ROBO2: variants seen among roughly 807,000 people sequenced by gnomAD.
The protein encoded by ROBO2 is roundabout homolog 2.
Under a neutral mutation model 160.8 loss-of-function variants are expected in ROBO2, and 53 were observed. The ratio of observed to expected loss-of-function variants is 0.33; its 90% CI spans 0.26 to 0.41. The LOEUF is 0.41. Among genes scored for constraint, ROBO2 ranks in the 10% least tolerant of loss-of-function variants. The probability of loss-of-function intolerance (pLI) is 1.00; values close to 1 mark genes in which losing one functional copy is unlikely to be tolerated. For missense variants in ROBO2, 1,577 were observed against 1,722.4 expected (o/e 0.92, Z 1.49); for synonymous variants, 664 against 611.7 (o/e 1.09, Z -1.26).
chr3:76,329,155 C>A (rs757106130), intron 2 of ROBO2, among the ~76,000 whole-genome samples: 3 of 151,986 alleles, frequency 2.0e-5, no homozygotes, highest in Admixed American at 1.3e-4. Flanking sequence ...AAGTCCCCCA[C>A]GGAGAGACAC....
At chr3:77,182,227 T>C (rs557961173) in intron 2 of ROBO2, among the ~76,000 whole-genome samples, 367 of 152,258 alleles carry the variant, frequency 2.4e-3, no homozygotes, top group Non-Finnish European at 4.3e-3. Flanking sequence ...GCAATTCATA[T>C]GAATTTATAT....
At chr3:76,850,581 T>A (rs1338528027) in intron 2 of ROBO2, among the ~76,000 whole-genome samples, 1 of 152,152 alleles carries the variant, frequency 6.6e-6, no homozygotes, top group Non-Finnish European at 1.5e-5. Flanking sequence ...TAAGTTCTAG[T>A]GCCCACAGTA....
intron 2 of ROBO2, among the ~76,000 whole-genome samples, chr3:76,231,605 G>A (rs895972422): frequency 6.6e-6 from 1 of 152,042 alleles, no homozygotes; most frequent in African/African-American, 2.4e-5. Flanking sequence ...TTTTCTCTAC[G>A]TCCTTCAACT....
At chr3:77,040,986 T>G in intron 1 of ROBO2, 140 bp downstream of exon 1, 1 of 1,058,890 alleles carries the variant, frequency 9.4e-7, no homozygotes, top group South Asian at 1.4e-5. Flanking sequence ...ACGGGCTCCT[T>G]GGGGGCAGAG....
At chr3:76,989,532 G>A (rs764775803) in intron 2 of ROBO2, among the ~76,000 whole-genome samples, 23 of 151,840 alleles carry the variant, frequency 1.5e-4, no homozygotes, top group Non-Finnish European at 2.8e-4. Context: ...CAACATTTGA[G>A]ATGAAATATT....
In ROBO2 at chr3:76,233,140, A is replaced by AT. The variant is rs201000625; in HGVS notation, c.109+295547dup. Among the ~76,000 whole-genome samples the AT allele has an allele frequency of 6.2e-4, 93 of 149,514 alleles. No individual in the cohort carries two copies. In the East Asian group the frequency reaches 7.1e-3, roughly 11 times the overall value. The stretch of plus-strand genomic sequence containing the variant: ...AAAGTTTACTGCCAGGTGTTATTCT[A>AT]TTTTTTTTTAATTTTATTTTTCAGG... On this transcript the variant is annotated intron_variant, in intron 2 of 26. Transcript: ENST00000487694.
At chr3:77,404,760 G>A (rs369298265) in intron 2 of ROBO2, among the ~76,000 whole-genome samples, 1 of 152,086 alleles carries the variant, frequency 6.6e-6, no homozygotes, top group South Asian at 2.1e-4. Flanking sequence ...AATTACGTTT[G>A]TTATAAGCTT....
intron 2 of ROBO2, among the ~76,000 whole-genome samples, chr3:77,324,941 T>G (rs907339730): frequency 1.3e-5 from 2 of 152,284 alleles, no homozygotes; most frequent in Admixed American, 6.5e-5. Context: ...TTAGAAGTGA[T>G]ATTCTCTCCA....
intron 2 of ROBO2, among the ~76,000 whole-genome samples, chr3:75,974,021 G>C (rs1351860698): frequency 3.4e-5 from 5 of 145,676 alleles, no homozygotes; most frequent in Non-Finnish European, 7.6e-5. Flanking sequence ...TAGAAGGAAG[G>C]GGTAATTATT....
At chr3:77,122,851 C>T (rs920660507) in intron 2 of ROBO2, among the ~76,000 whole-genome samples, 13 of 152,314 alleles carry the variant, frequency 8.5e-5, no homozygotes, top group Non-Finnish European at 1.6e-4. Context: ...AGTGAATACA[C>T]TGCCTCTTTT....
Position 76,497,049 on chromosome 3 carries a change from G to A in ROBO2, c.109+559447G>A, listed in dbSNP as rs1456503282. Among the ~76,000 whole-genome samples the A allele has an allele frequency of 3.9e-5, 6 of 152,130 alleles. No homozygotes were observed. In the South Asian group the frequency reaches 1.0e-3, roughly 26 times the overall value. On this transcript the variant is annotated intron_variant, in intron 2 of 26. Transcript: ENST00000487694. Reference sequence around the variant, plus strand: ...TTTAAAAGGCCACATCACCTTTTGTGGCTTCTGTCTCCTTGGCCCACTGCA... The same window carrying A: ...TTTAAAAGGCCACATCACCTTTTGTAGCTTCTGTCTCCTTGGCCCACTGCA...
intron 2 of ROBO2, among the ~76,000 whole-genome samples, chr3:77,365,500 G>A (rs910796806): frequency 1.3e-5 from 2 of 152,034 alleles, no homozygotes; most frequent in African/African-American, 4.8e-5. Context: ...TAGATTATTG[G>A]TCCCTTCAGA....
chr3:76,761,431 T>C (rs991058523), intron 2 of ROBO2, among the ~76,000 whole-genome samples: 1 of 151,728 alleles, frequency 6.6e-6, no homozygotes, highest in Non-Finnish European at 1.5e-5. Flanking sequence ...TGTTGTGTGA[T>C]TATTCCTTTT....
intron 2 of ROBO2, among the ~76,000 whole-genome samples, chr3:77,277,832 C>T (rs1054520175): frequency 6.6e-6 from 1 of 151,992 alleles, no homozygotes; most frequent in Non-Finnish European, 1.5e-5. Context: ...ATGGGATTGC[C>T]GGGTCAAACA....
intron 2 of ROBO2, among the ~76,000 whole-genome samples, chr3:76,215,524 A>C (rs1703454861): frequency 1.3e-5 from 2 of 152,236 alleles, no homozygotes; most frequent in African/African-American, 4.8e-5. Flanking sequence ...CAGAAGCCTC[A>C]GTAGTCGATG....
chr3:76,117,346 T>C (rs978591590), intron 2 of ROBO2, among the ~76,000 whole-genome samples: 2 of 152,204 alleles, frequency 1.3e-5, no homozygotes, highest in African/African-American at 4.8e-5. Flanking sequence ...TTGACCTCTT[T>C]TAAGTCTGAC....
At chr3:77,372,505 C>G (rs774136249) in intron 2 of ROBO2, among the ~76,000 whole-genome samples, 5 of 152,098 alleles carry the variant, frequency 3.3e-5, no homozygotes, top group Non-Finnish European at 7.4e-5. Context: ...TCTCAGACAA[C>G]AGATAATCAT....
chr3:77,418,888 A>G (rs1452219863), intron 2 of ROBO2, among the ~76,000 whole-genome samples: 4 of 152,148 alleles, frequency 2.6e-5, no homozygotes, highest in Non-Finnish European at 5.9e-5. Context: ...AGACCTATTC[A>G]TATGGGCAAA....
intron 2 of ROBO2, among the ~76,000 whole-genome samples, chr3:76,287,975 T>C (rs993410286): frequency 1.3e-5 from 2 of 152,238 alleles, no homozygotes; most frequent in Admixed American, 1.3e-4. Flanking sequence ...AAAAAAATAA[T>C]GAGTAAAAAC....
Sources: allele counts gnomAD v4.1 joint callset (sites outside exome capture counted in the v4.1 genomes callset), GRCh38; gene constraint gnomAD v4.1.1; transcripts MANE v1.5; gene names NCBI Gene and HGNC (gene_info 2026-07-23, HGNC 2026-07-21).